Variants in TRMT2B observed in about 807,000 individuals in gnomAD.
The protein encoded by TRMT2B is tRNA (uracil-5-)-methyltransferase homolog B.
TRMT2B carries 34 observed loss-of-function variants against 39.7 expected under a neutral mutation model. The observed-to-expected ratio is 0.86, with a 90% confidence interval of 0.65 to 1.14. The LOEUF (loss-of-function observed/expected upper bound fraction) is 1.14, where lower values mean the gene tolerates loss of function less well. TRMT2B is among the 50% of genes most tolerant of loss of function. The pLI is 0.00. For missense variants in TRMT2B, 318 were observed against 377.2 expected (o/e 0.84, Z 1.30); for synonymous variants, 132 against 137.3 (o/e 0.96, Z 0.27).
intron 7 of TRMT2B, among the ~76,000 whole-genome samples, chrX:101,026,271 G>C (rs2087080464): frequency 9.1e-6 from 1 of 110,346 alleles, no homozygotes; most frequent in African/African-American, 3.3e-5. Context: ...GAGGTCAGGA[G>C]TTTGAGACCA....
At chrX:101,033,524 G>A (rs926935529) in intron 7 of TRMT2B, among the ~76,000 whole-genome samples, 1 of 110,006 alleles carries the variant, frequency 9.1e-6, no homozygotes, top group African/African-American at 3.3e-5. Context: ...GAACCTGGTG[G>A]GTGGAGGCTG....
intron 2 of TRMT2B, among the ~76,000 whole-genome samples, chrX:101,044,839 C>CAAAAA (rs753968399): frequency 2.9e-4 from 9 of 31,008 alleles, no homozygotes; most frequent in Admixed American, 9.9e-4. Context: ...AACTCGGTCT[C>CAAAAA]AAAAAAAAAA....
chrX:100,989,368 T>G, the TRMT2B span, among the ~76,000 whole-genome samples: 1 of 110,800 alleles, frequency 9.0e-6, no homozygotes, highest in East Asian at 2.8e-4. Flanking sequence ...TCCCAGCACT[T>G]TGGGAGGCTG....
chrX:100,992,784 G>C, the TRMT2B span, among the ~76,000 whole-genome samples: 1 of 111,435 alleles, frequency 9.0e-6, no homozygotes, highest in African/African-American at 3.3e-5. Flanking sequence ...TACAGAGGCA[G>C]AAAATGATGT....
Position 101,051,647 on chromosome X carries a change from G to A in TRMT2B, c.-420C>T, listed in dbSNP as rs1241919784. 1.3e-6 allele frequency: 1 copy of A among 753,741 alleles called. No homozygotes were observed. Among genetic ancestry groups the A allele is most frequent in the African/African-American group, 2.3e-5 (1 of 43,584 alleles). The allele number at this position is 753,741 out of a possible 1,213,427, so 62.1% of individuals were successfully genotyped here. A position where few individuals can be genotyped will look rare whatever the true frequency, so the allele number is the denominator to read the frequency against. ...CCCACGCTGGGCCGTACACGACCTT[G>A]CGCAGTCACCGTCGGGTCCCGTCTC... On this transcript the variant is annotated 5_prime_UTR_variant, in exon 2 of 14. Coordinates refer to ENST00000372936, the MANE Select transcript of TRMT2B (RefSeq NM_024917.6).
chrX:101,035,752 C>A, intron 6 of TRMT2B, 69 bp from the exon 7 acceptor site: 16 of 951,214 alleles, frequency 1.7e-5, no homozygotes, highest in Non-Finnish European at 2.4e-5. Flanking sequence ...TGCCTGGCAA[C>A]TCAAATTTCT....
the TRMT2B span, among the ~76,000 whole-genome samples, chrX:100,994,011 G>A: frequency 8.9e-6 from 1 of 111,894 alleles, no homozygotes; most frequent in Non-Finnish European, 1.9e-5. Context: ...GTTGATTTAG[G>A]GAAGGAGCTC....
chrX:101,001,595 G>A, the TRMT2B span, among the ~76,000 whole-genome samples: 1 of 110,062 alleles, frequency 9.1e-6, no homozygotes, highest in Non-Finnish European at 1.9e-5. Flanking sequence ...ATTGGAAATG[G>A]CTGGTTCCAG....
chrX:101,041,979 G>A (rs1473835578), intron 3 of TRMT2B, 63 bp downstream of exon 3: 5 of 1,161,530 alleles, frequency 4.3e-6, no homozygotes, highest in Non-Finnish European at 5.8e-6. Context: ...TAGGAATACA[G>A]AATTTCAGCA....
rs542242434 is a variant in TRMT2B at position 101,048,198 on chromosome X, T to C, written c.-24+3053A>G. Among the ~76,000 whole-genome samples, 3 of 108,503 alleles carry C rather than the reference T, an allele frequency of 2.8e-5. No homozygotes were observed. In the East Asian group the frequency reaches 8.9e-4, roughly 32 times the overall value. 94.2% of individuals were successfully genotyped at this position (108,503 alleles called of 115,157 possible). ...AACATTCCATGATCAATAAGCAACA[T>C]GGAGGATGACGACATAGGTGCTGCA... On this transcript the variant is annotated intron_variant, in intron 2 of 13. Coordinates refer to ENST00000372936, the MANE Select transcript of TRMT2B (RefSeq NM_024917.6).
chrX:101,016,643 T>TG (rs61379842), intron 13 of TRMT2B, among the ~76,000 whole-genome samples: 738 of 36,820 alleles, frequency 0.02, 15 homozygotes, highest in African/African-American at 0.098. Context: ...ATTTTCGTGG[T>TG]TTTTTTTTTT....
At chrX:101,039,958 G>T (rs1163294950) in intron 4 of TRMT2B, among the ~76,000 whole-genome samples, 3 of 109,891 alleles carry the variant, frequency 2.7e-5, no homozygotes, top group African/African-American at 9.9e-5. Context: ...ACTTTACCCT[G>T]ACAATGACCT....
At chrX:101,015,832 G>A (rs1162615409) in intron 13 of TRMT2B, among the ~76,000 whole-genome samples, 1 of 111,218 alleles carries the variant, frequency 9.0e-6, no homozygotes, top group Admixed American at 9.7e-5. Context: ...CACTATGGGA[G>A]GCCAAGGTGG....
chrX:100,988,442 T>C, the TRMT2B span: 2 of 1,197,197 alleles, frequency 1.7e-6, no homozygotes, highest in South Asian at 3.6e-5. Flanking sequence ...GATGAACCCA[T>C]GAAAGAAGGT....
intron 13 of TRMT2B, among the ~76,000 whole-genome samples, chrX:101,012,866 T>A (rs1258905896): frequency 1.8e-5 from 2 of 110,359 alleles, no homozygotes; most frequent in Non-Finnish European, 3.8e-5. Flanking sequence ...TCACCCAGGC[T>A]GGAGTGCAGT....
the TRMT2B span, among the ~76,000 whole-genome samples, chrX:101,002,386 A>T: frequency 8.9e-6 from 1 of 112,347 alleles, no homozygotes; most frequent in Admixed American, 9.5e-5. Context: ...TCTTGCTCTA[A>T]AAATTGGTAT....
intron 13 of TRMT2B, among the ~76,000 whole-genome samples, chrX:101,015,172 G>A (rs1450470106): frequency 9.0e-6 from 1 of 111,381 alleles, no homozygotes; most frequent in Non-Finnish European, 1.9e-5. Context: ...ATGGACTTTG[G>A]GAGTATTTCA....
At chrX:101,023,941 G>A (rs767966053) in intron 7 of TRMT2B, among the ~76,000 whole-genome samples, 8 of 110,924 alleles carry the variant, frequency 7.2e-5, no homozygotes, top group Admixed American at 6.8e-4. Context: ...TCCGCCACCC[G>A]GGTTCAAGCA....
chrX:101,030,881 C>T (rs1767168586), intron 7 of TRMT2B, among the ~76,000 whole-genome samples: 1 of 111,166 alleles, frequency 9.0e-6, no homozygotes, highest in Admixed American at 9.7e-5. Context: ...ACTCAAGAGA[C>T]AGAGACATGG....
Sources: gnomAD v4.1 joint callset for allele counts (sites outside exome capture counted in the v4.1 genomes callset) on GRCh38, gnomAD v4.1.1 for gene constraint, MANE v1.5 for transcripts, NCBI Gene and HGNC (gene_info 2026-07-23, HGNC 2026-07-21) for gene names.